MED28: variants seen among roughly 807,000 people sequenced by gnomAD.
The protein encoded by MED28 is mediator of RNA polymerase II transcription subunit 28.
In MED28, 26 loss-of-function variants were observed where a neutral mutation model predicts 21.3. That is an observed-to-expected ratio of 1.22 (90% CI 0.89 to 1.69). MED28 has a LOEUF of 1.69. Ranked by LOEUF, MED28 falls within the 40% of genes most tolerant of loss-of-function variation. The probability of loss-of-function intolerance (pLI) is 0.00; values close to 1 mark genes in which losing one functional copy is unlikely to be tolerated. For synonymous variants in MED28, 110 were observed against 87.6 expected (o/e 1.26, Z -1.43); for missense variants, 257 against 215.4 (o/e 1.19, Z -1.21).
rs751002801 is a variant in MED28, at chr4:17,614,791, A to G, written c.137A>G (p.Asp46Gly). 2.0e-5 allele frequency: 32 copies of G among 1,611,876 alleles called. No individual in the cohort carries two copies. Among genetic ancestry groups the G allele is most frequent in the Non-Finnish European group, 2.6e-5 (31 of 1,179,100 alleles). Reference protein sequence around the residue: ...APRPSSSTLVDELESSFEACF... With the variant: ...APRPSSSTLVGELESSFEACF... Reference sequence around the variant, plus strand: ...AGACCTTCCAGCAGTACTTTGGTGGACGAGTTGGAGTCATCTTTCGAGGTA... The same window carrying G: ...AGACCTTCCAGCAGTACTTTGGTGGGCGAGTTGGAGTCATCTTTCGAGGTA... Residue 46 changes from aspartate (D) to glycine (G), a missense_variant, in exon 1 of 4, where the codon GAC (aspartate) becomes GGC (glycine). Coordinates refer to ENST00000237380, the MANE Select transcript of MED28 (RefSeq NM_025205.5).
chr4:17,629,842 C>T lies in MED28; in HGVS notation c.*6044C>T, dbSNP rs905683185. On this transcript the variant is annotated 3_prime_UTR_variant, in exon 4 of 4. Transcript: ENST00000237380. The stretch of plus-strand genomic sequence containing the variant: ...TAGGGCACAGTAGGTTCATTTACTG[C>T]TGGTAAGGGTGTAAATTGTTAGAAA... The T allele has an allele frequency of 2.0e-5, 3 of 152,256 alleles. No homozygotes were observed. The highest frequency in any genetic ancestry group is 6.5e-5 in the Admixed American group (1 of 15,294). The allele number at this position is 152,256 out of a possible 1,614,324, so 9.4% of individuals were successfully genotyped here.
rs1218314919 is a variant in MED28 at position 17,632,426 on chromosome 4, TCATAAG to T, written c.*8633_*8638del. ...ATTTGTTTTAGCTATCATATATAAA[TCATAAG>T]CATATTATTTGGTTGGTTGGTGTTA... On this transcript the variant is annotated 3_prime_UTR_variant, in exon 4 of 4. Transcript: ENST00000237380. The T allele has an allele frequency of 3.1e-6, 3 of 958,530 alleles. No homozygotes were observed. The highest frequency in any genetic ancestry group is 4.6e-6 in the Non-Finnish European group (3 of 645,310). The allele number at this position is 958,530 out of a possible 1,614,324, so 59.4% of individuals were successfully genotyped here.
At position 17,625,203 on chromosome 4, in the gene MED28, C is replaced by A. The variant is rs1474897129; in HGVS notation, c.*1405C>A. On this transcript the variant is annotated 3_prime_UTR_variant, in exon 4 of 4. Transcript: ENST00000237380. ...GTGCTTTGTATCTGTCTCTCTGCCC[C>A]TCACTAATTCTACACCCATGAGAAT... 3 of 153,214 alleles carry A rather than the reference C, an allele frequency of 2.0e-5. No homozygotes were observed. The highest frequency in any genetic ancestry group is 4.4e-5 in the Non-Finnish European group (3 of 68,838). The allele number at this position is 153,214 out of a possible 1,614,324, so 9.5% of individuals were successfully genotyped here.
chr4:17,633,857 A>T lies in MED28; in HGVS notation c.*10059A>T. ...GGAGGCGAGGTTCGGCACGCTGACC[A>T]CGCGGCTGGGCACGTCCTCCACCTT... On this transcript the variant is annotated 3_prime_UTR_variant, in exon 4 of 4. Transcript: ENST00000237380. 1 of 1,551,042 alleles carries T rather than the reference A, an allele frequency of 6.4e-7. No individual in the cohort carries two copies. Among genetic ancestry groups the T allele is most frequent in the Non-Finnish European group, 8.7e-7 (1 of 1,146,756 alleles).
intron 3 of MED28, among the ~76,000 whole-genome samples, chr4:17,622,725 T>C (rs1714670648): frequency 1.3e-5 from 2 of 152,178 alleles, no homozygotes; most frequent in South Asian, 4.1e-4. Flanking sequence ...TAAAGACATA[T>C]CTGAGACTGG....
rs1398357734 is a variant in MED28, at chr4:17,630,090, G to T, written c.*6292G>T. 2.0e-5 allele frequency: 3 copies of T among 152,144 alleles called. No individual in the cohort carries two copies. The highest frequency in any genetic ancestry group is 2.9e-5 in the Non-Finnish European group (2 of 68,026). 9.4% of individuals were successfully genotyped at this position (152,144 alleles called of 1,614,324 possible). ...AAGAAAGGAGTCAAAACCTATGTACGATCTCAACTAGTAAAATTTTCTCCT... is the reference window on the plus strand; with the variant it reads ...AAGAAAGGAGTCAAAACCTATGTACTATCTCAACTAGTAAAATTTTCTCCT... On this transcript the variant is annotated 3_prime_UTR_variant, in exon 4 of 4. Coordinates refer to ENST00000237380, the MANE Select transcript of MED28 (RefSeq NM_025205.5).
Position 17,614,710 on chromosome 4 carries a change from C to G in MED28, c.56C>G (p.Ala19Gly), listed in dbSNP as rs764252425. The G allele has an allele frequency of 6.2e-7, 1 of 1,614,116 alleles. No individual in the cohort carries two copies. Among genetic ancestry groups the G allele is most frequent in the African/African-American group, 1.3e-5 (1 of 74,962 alleles). The change falls in exon 1 of 4, where the codon GCC becomes GGC. Residue 19 changes from alanine to glycine, a missense_variant. Coordinates refer to ENST00000237380, the MANE Select transcript of MED28 (RefSeq NM_025205.5). ...GGGCAGCCACCCGGTCCCCCTCAGG[C>G]CCCGCCGGGCCTTCCGGGCCAAGCT... is the stretch of plus-strand genomic sequence containing the variant. ...FSGQPPGPPQ[A>G]PPGLPGQASL... is the part of the protein sequence containing the mutation.
In MED28 at chr4:17,633,871, G is replaced by A. The variant is rs752946960; in HGVS notation, c.*10073G>A. 5.2e-5 allele frequency: 80 copies of A among 1,549,116 alleles called. No homozygotes were observed. In the South Asian group the frequency reaches 7.0e-4, roughly 14 times the overall value. On this transcript the variant is annotated 3_prime_UTR_variant, in exon 4 of 4. Coordinates refer to ENST00000237380, the MANE Select transcript of MED28 (RefSeq NM_025205.5). ...GCACGCTGACCACGCGGCTGGGCAC[G>A]TCCTCCACCTTCTTTTTCTGTTTGT...
In MED28 at chr4:17,628,939, G is replaced by C. The variant is rs1264331680; in HGVS notation, c.*5141G>C. On this transcript the variant is annotated 3_prime_UTR_variant, in exon 4 of 4. Transcript: ENST00000237380. ...TGCACACAAGGACAGTAGAGTGTCTGTTCCCTGCAGAGGGATAGTGAGGAA... is the reference window on the plus strand; with the variant it reads ...TGCACACAAGGACAGTAGAGTGTCTCTTCCCTGCAGAGGGATAGTGAGGAA... The C allele has an allele frequency of 6.6e-6, 1 of 152,306 alleles. No homozygotes were observed. The highest frequency in any genetic ancestry group is 1.5e-5 in the Non-Finnish European group (1 of 68,136). The allele number at this position is 152,306 out of a possible 1,614,324, so 9.4% of individuals were successfully genotyped here.
chr4:17,617,235 T>A (rs138492243), intron 1 of MED28, among the ~76,000 whole-genome samples: 80 of 152,310 alleles, frequency 5.3e-4, no homozygotes, highest in African/African-American at 1.7e-3. Flanking sequence ...AAGGCCACAT[T>A]TTCTTTGGAA....
chr4:17,624,012 A>C lies in MED28; in HGVS notation c.*214A>C, dbSNP rs1714708510. ...GTCTGTAGCTTGGATAAACCAAGTA[A>C]GTATTTTTTTTTTGTCTTTAGCAAA... is the stretch of plus-strand genomic sequence containing the variant. On this transcript the variant is annotated 3_prime_UTR_variant, in exon 4 of 4. Coordinates refer to ENST00000237380, the MANE Select transcript of MED28 (RefSeq NM_025205.5). 1 of 567,638 alleles carries C rather than the reference A, an allele frequency of 1.8e-6. No individual in the cohort carries two copies. The highest frequency in any genetic ancestry group is 3.1e-6 in the Non-Finnish European group (1 of 321,072). The allele number at this position is 567,638 out of a possible 1,614,324, so 35.2% of individuals were successfully genotyped here. A position where few individuals can be genotyped will look rare whatever the true frequency, so the allele number is the denominator to read the frequency against.
chr4:17,623,890 C>CA lies in MED28; in HGVS notation c.*92_*93insA. 1 of 1,396,678 alleles carries CA rather than the reference C, an allele frequency of 7.2e-7. No individual in the cohort carries two copies. The highest frequency in any genetic ancestry group is 9.8e-7 in the Non-Finnish European group (1 of 1,022,092). The allele number at this position is 1,396,678 out of a possible 1,614,324, so 86.5% of individuals were successfully genotyped here. On this transcript the variant is annotated 3_prime_UTR_variant, in exon 4 of 4. Transcript: ENST00000237380. Reference sequence around the variant, plus strand: ...GTGGACTTGACATTTTGGAAGAACTCTTTGCCAGATAATGAGTTCATTTTA... The same window carrying CA: ...GTGGACTTGACATTTTGGAAGAACTCATTTGCCAGATAATGAGTTCATTTTA...
chr4:17,621,506 A>G lies in MED28; in HGVS notation c.227-81A>G, dbSNP rs924974078. The G allele has an allele frequency of 2.3e-5, 22 of 954,086 alleles. No homozygotes were observed. The Admixed American group carries it at 4.3e-4, about 19-fold the overall frequency. 59.1% of individuals were successfully genotyped at this position (954,086 alleles called of 1,614,324 possible). On this transcript the variant is annotated intron_variant, in intron 2 of 3. Transcript: ENST00000237380. ...GTCTATGAGAGGGCTTTGTTTTTAC[A>G]TTCTGATTATTCATTTATGAGGGAG... is the stretch of plus-strand genomic sequence containing the variant.
In MED28 at chr4:17,632,633, C is replaced by A. The variant is rs200853092; in HGVS notation, c.*8835C>A. 4.6e-6 allele frequency: 7 copies of A among 1,527,454 alleles called. No homozygotes were observed. The highest frequency in any genetic ancestry group is 1.4e-5 in the African/African-American group (1 of 72,100). The allele number at this position is 1,527,454 out of a possible 1,614,324, so 94.6% of individuals were successfully genotyped here. A position where few individuals can be genotyped will look rare whatever the true frequency, so the allele number is the denominator to read the frequency against. On this transcript the variant is annotated 3_prime_UTR_variant, in exon 4 of 4. Coordinates refer to ENST00000237380, the MANE Select transcript of MED28 (RefSeq NM_025205.5). ...GTTTCACCATCTGGGGTCCTAAAAG[C>A]AAAAAAAGGTTTTTTTATATGGTTT...
rs546507685 is a variant in MED28 at position 17,631,584 on chromosome 4, C to T, written c.*7786C>T. On this transcript the variant is annotated 3_prime_UTR_variant, in exon 4 of 4. Transcript: ENST00000237380. The stretch of plus-strand genomic sequence containing the variant: ...CTAGGATTGGTTATTTACAGAAAAA[C>T]CTTGTGGTACTTAATTCCAATTCAT... 1 of 152,070 alleles carries T rather than the reference C, an allele frequency of 6.6e-6. No homozygotes were observed. Among genetic ancestry groups the T allele is most frequent in the South Asian group, 2.1e-4 (1 of 4,830 alleles). 9.4% of individuals were successfully genotyped at this position (152,070 alleles called of 1,614,324 possible). A position where few individuals can be genotyped will look rare whatever the true frequency, so the allele number is the denominator to read the frequency against.
intron 3 of MED28, among the ~76,000 whole-genome samples, chr4:17,623,353 A>G (rs1440352797): frequency 7.0e-6 from 1 of 142,840 alleles, no homozygotes; most frequent in East Asian, 2.2e-4. Context: ...CTGAGCCGAG[A>G]CCGCACCACT....
chr4:17,633,897 A>T lies in MED28; in HGVS notation c.*10099A>T. On this transcript the variant is annotated 3_prime_UTR_variant, in exon 4 of 4. Transcript: ENST00000237380. ...TCCTCCACCTTCTTTTTCTGTTTGT[A>T]TTAATGGACAGGTTAGTGCAATGCA... is the stretch of plus-strand genomic sequence containing the variant. 1 of 1,540,788 alleles carries T rather than the reference A, an allele frequency of 6.5e-7. No individual in the cohort carries two copies. Among genetic ancestry groups the T allele is most frequent in the Non-Finnish European group, 8.8e-7 (1 of 1,142,356 alleles).
At position 17,633,611 on chromosome 4, in the gene MED28, G is replaced by T; in HGVS notation, c.*9813G>T. 1 of 1,289,478 alleles carries T rather than the reference G, an allele frequency of 7.8e-7. No individual in the cohort carries two copies. The highest frequency in any genetic ancestry group is 1.0e-6 in the Non-Finnish European group (1 of 984,208). 79.9% of individuals were successfully genotyped at this position (1,289,478 alleles called of 1,614,324 possible). On this transcript the variant is annotated 3_prime_UTR_variant, in exon 4 of 4. Coordinates refer to ENST00000237380, the MANE Select transcript of MED28 (RefSeq NM_025205.5). Reference sequence around the variant, plus strand: ...AAGGCCTTCTGGAATTTGGTACCAGGTGCTAGAAAGAATCCTACTTCCCCT... The same window carrying T: ...AAGGCCTTCTGGAATTTGGTACCAGTTGCTAGAAAGAATCCTACTTCCCCT...
At chr4:17,623,507 C>G (rs1714691487) in intron 3 of MED28, 94 bp from the exon 4 acceptor site, 1 of 1,203,328 alleles carries the variant, frequency 8.3e-7, no homozygotes, top group African/African-American at 1.5e-5. Flanking sequence ...TTAATGGATT[C>G]TCTTTGTTTT....
Sources: allele counts gnomAD v4.1 joint callset (sites outside exome capture counted in the v4.1 genomes callset), GRCh38; gene constraint gnomAD v4.1.1; transcripts MANE v1.5; gene names NCBI Gene and HGNC (gene_info 2026-07-23, HGNC 2026-07-21).